The following PCDHB12 variants were observed in gnomAD, a reference collection of about 807,000 sequenced individuals.
The protein encoded by PCDHB12 is protocadherin beta-12.
For synonymous variants in PCDHB12, 560 were observed against 445.2 expected, an observed-to-expected ratio of 1.26 and a Z score of -3.24; for missense variants, 1,192 against 998.2, an observed-to-expected ratio of 1.19 and a Z score of -2.62.
At position 141,210,444 on chromosome 5, in the gene PCDHB12, C is replaced by T. The variant is rs1754419961; in HGVS notation, c.1537C>T (p.Leu513=). The T allele has an allele frequency of 1.9e-6, 3 of 1,612,920 alleles. No homozygotes were observed. In the South Asian group the frequency reaches 3.3e-5, roughly 18 times the overall value. The change falls in exon 1 of 1, where the codon CTG becomes TTG. Residue 513 remains leucine (L), a synonymous_variant. Coordinates refer to ENST00000239450, the MANE Select transcript of PCDHB12 (RefSeq NM_018932.4). The part of the protein sequence containing the change: ...LVSINADNGH[L]FALRSLDYEA... ...CTCCATCAACGCGGACAACGGCCAC[C>T]TGTTTGCCCTCAGGTCGCTGGACTA...
rs782400979 is a variant in PCDHB12, at chr5:141,210,390, G to A, written c.1483G>A (p.Asp495Asn). The A allele has an allele frequency of 1.9e-6, 3 of 1,613,036 alleles. No individual in the cohort carries two copies. The highest frequency in any genetic ancestry group is 2.5e-6 in the Non-Finnish European group (3 of 1,180,030). The change falls in exon 1 of 1, where the codon GAC becomes AAC. Residue 495 changes from aspartate (D) to asparagine (N), a missense_variant. Physicochemically the swap from Asp to Asn is conservative, Grantham distance 23. Transcript: ENST00000239450. ...CAACTACTCGCTGCTGCCGTCCCAGGACCCGCACCTGCCCCTCGCCTCCCT... is the reference window on the plus strand; with the variant it reads ...CAACTACTCGCTGCTGCCGTCCCAGAACCCGCACCTGCCCCTCGCCTCCCT... ...QVNYSLLPSQDPHLPLASLVS... is the reference protein window; with the variant it reads ...QVNYSLLPSQNPHLPLASLVS...
Position 141,209,356 on chromosome 5 carries a change from CTG to C in PCDHB12, c.453_454del (p.Phe152LeufsTer3), listed in dbSNP as rs1563976633. On this transcript the variant is annotated frameshift_variant, in exon 1 of 1. Transcript: ENST00000239450. LOFTEE classifies it low-confidence loss of function (END_TRUNC). Reference sequence around the variant, plus strand: ...ATCCCAGAGAACAGTCCTGTTGGTGCTGTGTTCTTGCTTGAAAGTGCAAAGGA... The same window carrying C: ...ATCCCAGAGAACAGTCCTGTTGGTGCTGTTCTTGCTTGAAAGTGCAAAGGA... The C allele has an allele frequency of 1.9e-6, 3 of 1,614,202 alleles. No individual in the cohort carries two copies. The South Asian group carries it at 3.3e-5, about 18-fold the overall frequency.
rs782080716 is a variant in PCDHB12, at chr5:141,210,082, T to G, written c.1175T>G (p.Val392Gly). The change falls in exon 1 of 1, where the codon GTG becomes GGG. Residue 392 changes from valine (V) to glycine (G), a missense_variant. Val to Gly is a moderately radical substitution (Grantham distance 109). Coordinates refer to ENST00000239450, the MANE Select transcript of PCDHB12 (RefSeq NM_018932.4). ...TCTATCCCGGAGGACATCCCATTCG[T>G]GCTAAAATCTTCGGTAAATAATTAC... ...VCSIPEDIPF[V>G]LKSSVNNYYT... is the part of the protein sequence containing the mutation. 1 of 1,614,026 alleles carries G rather than the reference T, an allele frequency of 6.2e-7. No individual in the cohort carries two copies. Among genetic ancestry groups the G allele is most frequent in the African/African-American group, 1.3e-5 (1 of 74,902 alleles).
Position 141,211,369 on chromosome 5 carries a change from G to C in PCDHB12, c.*74G>C, listed in dbSNP as rs1754458783. The C allele has an allele frequency of 7.1e-7, 1 of 1,410,540 alleles. No homozygotes were observed. Among genetic ancestry groups the C allele is most frequent in the Non-Finnish European group, 9.7e-7 (1 of 1,030,038 alleles). 87.4% of individuals were successfully genotyped at this position (1,410,540 alleles called of 1,614,324 possible). On this transcript the variant is annotated 3_prime_UTR_variant, in exon 1 of 1. Coordinates refer to ENST00000239450, the MANE Select transcript of PCDHB12 (RefSeq NM_018932.4). Reference sequence around the variant, plus strand: ...GAACTTATCGTGAGGTGCCTGTAAAGTAGTATTTTTGATCACTTCAAATAC... The same window carrying C: ...GAACTTATCGTGAGGTGCCTGTAAACTAGTATTTTTGATCACTTCAAATAC...
chr5:141,209,861 C>A lies in PCDHB12; in HGVS notation c.954C>A (p.Ile318=), dbSNP rs1754395539. Residue 318 remains isoleucine (I), a synonymous_variant, in exon 1 of 1, where the codon ATC becomes ATA. Coordinates refer to ENST00000239450, the MANE Select transcript of PCDHB12 (RefSeq NM_018932.4). ...AAGCAATTGAGTCATACTCAATAAT[C>A]ATTCAAGCCACAGATGGGGGAGGAC... The part of the protein sequence containing the change: ...DFEAIESYSI[I]IQATDGGGLF... The A allele has an allele frequency of 1.9e-6, 3 of 1,614,208 alleles. No individual in the cohort carries two copies. Among genetic ancestry groups the A allele is most frequent in the Middle Eastern group, 1.6e-4 (1 of 6,062 alleles).
rs1754362441 is a variant in PCDHB12, at chr5:141,209,004, T to C, written c.97T>C (p.Phe33Leu). ...TCAGGCGGGCTCTGAAACTGGGAAC[T>C]TTTTGGTGATGGAGGAATTGCAGAG... ...MSQAGSETGN[F>L]LVMEELQSGS... The change falls in exon 1 of 1, where the codon TTT becomes CTT. Residue 33 changes from phenylalanine (F) to leucine (L), a missense_variant. By Grantham distance (22) the Phe-to-Leu change is conservative. Transcript: ENST00000239450. The C allele has an allele frequency of 6.2e-7, 1 of 1,605,750 alleles. No individual in the cohort carries two copies. Among genetic ancestry groups the C allele is most frequent in the Non-Finnish European group, 8.5e-7 (1 of 1,176,788 alleles).
rs782388524 is a variant in PCDHB12 at position 141,211,091 on chromosome 5, T to C, written c.2184T>C (p.Pro728=). The C allele has an allele frequency of 3.9e-5, 63 of 1,613,790 alleles. No individual in the cohort carries two copies. The highest frequency in any genetic ancestry group is 9.3e-5 in the African/African-American group (7 of 74,904). ...RAAPVGRCSV[P]EGPFPGHLVD... is the part of the protein sequence containing the mutation. ...CCCCGGTCGGTCGCTGCTCGGTGCCTGAGGGCCCCTTTCCAGGACATCTGG... is the reference window on the plus strand; with the variant it reads ...CCCCGGTCGGTCGCTGCTCGGTGCCCGAGGGCCCCTTTCCAGGACATCTGG... The change falls in exon 1 of 1, where the codon CCT becomes CCC. Residue 728 remains proline, a synonymous_variant. Coordinates refer to ENST00000239450, the MANE Select transcript of PCDHB12 (RefSeq NM_018932.4).
At position 141,210,616 on chromosome 5, in the gene PCDHB12, C is replaced by T. The variant is rs1554286996; in HGVS notation, c.1709C>T (p.Ala570Val). The T allele has an allele frequency of 1.9e-6, 3 of 1,611,328 alleles. No individual in the cohort carries two copies. The highest frequency in any genetic ancestry group is 1.7e-6 in the Non-Finnish European group (2 of 1,179,736). The change falls in exon 1 of 1, where the codon GCG (alanine) becomes GTG (valine). Residue 570 changes from alanine (A) to valine (V), a missense_variant. By Grantham distance (64) the Ala-to-Val change is moderately conservative (BLOSUM62 0). Coordinates refer to ENST00000239450, the MANE Select transcript of PCDHB12 (RefSeq NM_018932.4). Reference protein sequence around the residue: ...FVLYPLQNGSAPCTELVPWAA... With the variant: ...FVLYPLQNGSVPCTELVPWAA... ...CTGTACCCGCTGCAGAACGGCTCCG[C>T]GCCCTGCACCGAGCTGGTGCCCTGG...
Position 141,211,348 on chromosome 5 carries a change from T to C in PCDHB12, c.*53T>C, listed in dbSNP as rs1342453388. On this transcript the variant is annotated 3_prime_UTR_variant, in exon 1 of 1. Coordinates refer to ENST00000239450, the MANE Select transcript of PCDHB12 (RefSeq NM_018932.4). ...TATGAATACATTTATAATTAGGAAC[T>C]TATCGTGAGGTGCCTGTAAAGTAGT... is the stretch of plus-strand genomic sequence containing the variant. 2.6e-6 allele frequency: 4 copies of C among 1,516,536 alleles called. No homozygotes were observed. The highest frequency in any genetic ancestry group is 3.6e-6 in the Non-Finnish European group (4 of 1,121,486). 93.9% of individuals were successfully genotyped at this position (1,516,536 alleles called of 1,614,324 possible).
At position 141,210,381 on chromosome 5, in the gene PCDHB12, C is replaced by T; in HGVS notation, c.1474C>T (p.Pro492Ser). 6.2e-7 allele frequency: 1 copy of T among 1,613,024 alleles called. No homozygotes were observed. The stretch of plus-strand genomic sequence containing the variant: ...CGCCCAGGTCAACTACTCGCTGCTG[C>T]CGTCCCAGGACCCGCACCTGCCCCT... ...TNAQVNYSLL[P>S]SQDPHLPLAS... Residue 492 changes from proline (P) to serine (S), a missense_variant, in exon 1 of 1, where the codon CCG becomes TCG. By Grantham distance (74) the Pro-to-Ser change is moderately conservative (BLOSUM62 -1). Coordinates refer to ENST00000239450, the MANE Select transcript of PCDHB12 (RefSeq NM_018932.4).
At position 141,211,112 on chromosome 5, in the gene PCDHB12, T is replaced by G. The variant is rs1554287155; in HGVS notation, c.2205T>G (p.His735Gln). The change falls in exon 1 of 1, where the codon CAT becomes CAG. Residue 735 changes from histidine to glutamine, a missense_variant. Physicochemically the swap from His to Gln is conservative, Grantham distance 24. Coordinates refer to ENST00000239450, the MANE Select transcript of PCDHB12 (RefSeq NM_018932.4). ...TGCCTGAGGGCCCCTTTCCAGGACA[T>G]CTGGTGGACGTGAGTGGCACCGGGA... is the stretch of plus-strand genomic sequence containing the variant. Reference protein sequence around the residue: ...CSVPEGPFPGHLVDVSGTGTL... With the variant: ...CSVPEGPFPGQLVDVSGTGTL... 1.2e-6 allele frequency: 2 copies of G among 1,614,016 alleles called. No individual in the cohort carries two copies. Among genetic ancestry groups the G allele is most frequent in the Non-Finnish European group, 1.7e-6 (2 of 1,179,992 alleles).
chr5:141,211,243 C>T lies in PCDHB12; in HGVS notation c.2336C>T (p.Thr779Ile), dbSNP rs782239851. Reference protein sequence around the residue: ...PIIPNFLPQSTGSEVEENPPF... With the variant: ...PIIPNFLPQSIGSEVEENPPF... ...ATCCCCAACTTCCTACCCCAGAGCACAGGTAGTGAAGTCGAAGAAAATCCC... is the reference window on the plus strand; with the variant it reads ...ATCCCCAACTTCCTACCCCAGAGCATAGGTAGTGAAGTCGAAGAAAATCCC... The change falls in exon 1 of 1, where the codon ACA (threonine) becomes ATA (isoleucine). Residue 779 changes from threonine (T) to isoleucine (I), a missense_variant. Thr to Ile is a moderately conservative substitution (Grantham distance 89). Transcript: ENST00000239450. The T allele has an allele frequency of 6.2e-7, 1 of 1,610,662 alleles. No homozygotes were observed. The highest frequency in any genetic ancestry group is 1.7e-5 in the Admixed American group (1 of 59,196).
rs573885497 is a variant in PCDHB12, at chr5:141,212,530, T to C, written c.*1235T>C. The C allele has an allele frequency of 6.6e-6, 1 of 152,314 alleles. No individual in the cohort carries two copies. Among genetic ancestry groups the C allele is most frequent in the African/African-American group, 2.4e-5 (1 of 41,584 alleles). The allele number at this position is 152,314 out of a possible 1,614,324, so 9.4% of individuals were successfully genotyped here. A position where few individuals can be genotyped will look rare whatever the true frequency, so the allele number is the denominator to read the frequency against. ...GCATAGTTGTGTTCTAAATATATTA[T>C]AAACTAGTGCCAGTAACTCTAATAA... On this transcript the variant is annotated 3_prime_UTR_variant, in exon 1 of 1. Coordinates refer to ENST00000239450, the MANE Select transcript of PCDHB12 (RefSeq NM_018932.4).
chr5:141,210,772 G>A lies in PCDHB12; in HGVS notation c.1865G>A (p.Gly622Asp). Residue 622 changes from glycine to aspartate, a missense_variant, in exon 1 of 1, where the codon GGC (glycine) becomes GAC (aspartate). Gly to Asp is a moderately conservative substitution (Grantham distance 94). Transcript: ENST00000239450. ...CTATTCGGCGTGTGGGCGCACAATG[G>A]CGAGGTGCGCACCGCCAGGCTGCTG... ...PGLFGVWAHN[G>D]EVRTARLLSE... is the part of the protein sequence containing the mutation. The A allele has an allele frequency of 6.2e-7, 1 of 1,601,384 alleles. No homozygotes were observed. Among genetic ancestry groups the A allele is most frequent in the Non-Finnish European group, 8.5e-7 (1 of 1,178,628 alleles).
Position 141,209,290 on chromosome 5 carries a change from A to G in PCDHB12, c.383A>G (p.Asp128Gly), listed in dbSNP as rs1554286630. The change falls in exon 1 of 1, where the codon GAT becomes GGT. Residue 128 changes from aspartate (D) to glycine (G), a missense_variant. By Grantham distance (94) the Asp-to-Gly change is moderately conservative. Coordinates refer to ENST00000239450, the MANE Select transcript of PCDHB12 (RefSeq NM_018932.4). ...GAGCTCCAGGTCAGGGATATAAATG[A>G]TCACTCTCCCGTCTTCTTGGAAAAA... ...QIELQVRDIN[D>G]HSPVFLEKEM... 1.2e-6 allele frequency: 2 copies of G among 1,614,182 alleles called. No homozygotes were observed. The highest frequency in any genetic ancestry group is 1.7e-6 in the Non-Finnish European group (2 of 1,180,044).
rs782738686 is a variant in PCDHB12 at position 141,210,474 on chromosome 5, G to A, written c.1567G>A (p.Ala523Thr). 45 of 1,612,666 alleles carry A rather than the reference G, an allele frequency of 2.8e-5. No individual in the cohort carries two copies. Among genetic ancestry groups the A allele is most frequent in the Non-Finnish European group, 3.8e-5 (45 of 1,179,892 alleles). The change falls in exon 1 of 1, where the codon GCC (alanine) becomes ACC (threonine). Residue 523 changes from alanine (A) to threonine (T), a missense_variant. By Grantham distance (58) the Ala-to-Thr change is moderately conservative. Transcript: ENST00000239450. ...LFALRSLDYEALQGFQFRVGA... is the reference protein window; with the variant it reads ...LFALRSLDYETLQGFQFRVGA... ...TGCCCTCAGGTCGCTGGACTACGAG[G>A]CCCTGCAGGGGTTCCAGTTCCGCGT...
Position 141,211,258 on chromosome 5 carries a change from A to C in PCDHB12, c.2351A>C (p.Glu784Ala), listed in dbSNP as rs782281270. The C allele has an allele frequency of 8.9e-5, 143 of 1,602,676 alleles. No homozygotes were observed. The highest frequency in any genetic ancestry group is 1.1e-4 in the Non-Finnish European group (131 of 1,176,366). ...FLPQSTGSEV[E>A]ENPPFQNNLG... ...CCCCAGAGCACAGGTAGTGAAGTCGAAGAAAATCCCCCATTTCAGAATAAT... is the reference window on the plus strand; with the variant it reads ...CCCCAGAGCACAGGTAGTGAAGTCGCAGAAAATCCCCCATTTCAGAATAAT... The change falls in exon 1 of 1, where the codon GAA (glutamate) becomes GCA (alanine). Residue 784 changes from glutamate to alanine, a missense_variant. Physicochemically the swap from Glu to Ala is moderately radical, Grantham distance 107. Transcript: ENST00000239450.
At position 141,209,699 on chromosome 5, in the gene PCDHB12, C is replaced by A; in HGVS notation, c.792C>A (p.Val264=). The change falls in exon 1 of 1, where the codon GTC becomes GTA. Residue 264 remains valine, a synonymous_variant. Transcript: ENST00000239450. ...NSILGSLVVT[V]SAWDLDSGTN... ...TCCTTGGCTCCCTGGTTGTGACCGT[C>A]TCAGCCTGGGATTTAGACTCTGGAA... The A allele has an allele frequency of 6.2e-7, 1 of 1,614,210 alleles. No homozygotes were observed. Among genetic ancestry groups the A allele is most frequent in the South Asian group, 1.1e-5 (1 of 91,086 alleles).
chr5:141,211,174 C>T lies in PCDHB12; in HGVS notation c.2267C>T (p.Thr756Ile). The change falls in exon 1 of 1, where the codon ACT becomes ATT. Residue 756 changes from threonine to isoleucine, a missense_variant. Coordinates refer to ENST00000239450, the MANE Select transcript of PCDHB12 (RefSeq NM_018932.4). The part of the protein sequence containing the change: ...SQSYHYEVCV[T>I]GGSRSNKFKF... Reference sequence around the variant, plus strand: ...AGCTACCACTATGAGGTGTGTGTGACTGGAGGCTCCAGGTCAAATAAGTTC... The same window carrying T: ...AGCTACCACTATGAGGTGTGTGTGATTGGAGGCTCCAGGTCAAATAAGTTC... 6.2e-7 allele frequency: 1 copy of T among 1,614,170 alleles called. No individual in the cohort carries two copies. The highest frequency in any genetic ancestry group is 8.5e-7 in the Non-Finnish European group (1 of 1,180,016).
Sources: allele counts gnomAD v4.1 joint callset, GRCh38; gene constraint gnomAD v4.1.1; transcripts MANE v1.5; gene names NCBI Gene and HGNC (gene_info 2026-07-23, HGNC 2026-07-21).